The following CHD1L variants were observed in gnomAD, a reference collection of about 807,000 sequenced individuals.
CHD1L encodes the protein chromodomain helicase DNA binding protein 1 like.
CHD1L carries 118 observed loss-of-function variants against 115.9 expected under a neutral mutation model. That is an observed-to-expected ratio of 1.02 (90% CI 0.88 to 1.19). CHD1L has a LOEUF of 1.19. Ranked by LOEUF, CHD1L falls within the 50% of genes most tolerant of loss-of-function variation. CHD1L has a pLI of 0.00. For synonymous variants in CHD1L, 411 were observed against 387.1 expected (o/e 1.06, Z -0.72); for missense variants, 1,179 against 1,065.3 (o/e 1.11, Z -1.49).
chr1:147,287,195 A>C (rs1683507030), intron 18 of CHD1L, among the ~76,000 whole-genome samples: 1 of 152,236 alleles, frequency 6.6e-6, no homozygotes, highest in Non-Finnish European at 1.5e-5. Flanking sequence ...TGAATGAATG[A>C]CTATAAATGC....
At chr1:147,179,662 T>G in the CHD1L span, 1 of 1,216,704 alleles carries the variant, frequency 8.2e-7, no homozygotes, top group Non-Finnish European at 1.2e-6. Flanking sequence ...AAAAGGACTC[T>G]TCCACCAGAG....
At chr1:147,184,553 T>C in the CHD1L span, 2 of 1,549,130 alleles carry the variant, frequency 1.3e-6, no homozygotes, top group Non-Finnish European at 1.7e-6. The surrounding 1 kb of genome is among the most constrained non-coding windows in gnomAD (Gnocchi z 4.4). Context: ...GTTGATGATC[T>C]TGACAGTTTT....
the CHD1L span, chr1:147,201,339 A>G: frequency 4.3e-6 from 7 of 1,614,090 alleles, no homozygotes; most frequent in East Asian, 2.2e-5. Context: ...AGTCAAAGCT[A>G]TAGCCTGTGG....
At chr1:147,281,841 G>A (rs1277460556) in intron 15 of CHD1L, among the ~76,000 whole-genome samples, 2 of 151,842 alleles carry the variant, frequency 1.3e-5, no homozygotes, top group East Asian at 1.9e-4. Flanking sequence ...AGATAAAATT[G>A]TATTTATCAT....
the CHD1L span, chr1:147,178,176 C>G: frequency 4.3e-6 from 7 of 1,611,232 alleles, no homozygotes; most frequent in Admixed American, 3.3e-5. Flanking sequence ...CGGCCCGCCT[C>G]GCGGCTGCCT....
chr1:147,177,568 C>G, the CHD1L span, among the ~76,000 whole-genome samples: 1 of 152,168 alleles, frequency 6.6e-6, no homozygotes, highest in African/African-American at 2.4e-5. Flanking sequence ...GCTAACATCT[C>G]TAGTATGTCA....
the CHD1L span, chr1:147,208,932 T>G: frequency 3.1e-6 from 5 of 1,614,162 alleles, no homozygotes; most frequent in Non-Finnish European, 3.4e-6. Flanking sequence ...TTGCTAATGA[T>G]TGGCCACAGA....
intron 7 of CHD1L, among the ~76,000 whole-genome samples, chr1:147,264,920 G>A (rs1424845315): frequency 6.6e-6 from 1 of 152,168 alleles, no homozygotes; most frequent in African/African-American, 2.4e-5. Flanking sequence ...ACTTCCTGAG[G>A]GAGAAAAGAA....
intron 8 of CHD1L, among the ~76,000 whole-genome samples, chr1:147,266,472 T>C (rs1673955106): frequency 6.6e-6 from 1 of 152,198 alleles, no homozygotes; most frequent in South Asian, 2.1e-4. Flanking sequence ...AAATGAAGAT[T>C]CCAAAAATAA....
At chr1:147,208,370 G>A in the CHD1L span, 1 of 152,528 alleles carries the variant, frequency 6.6e-6, no homozygotes, top group African/African-American at 2.4e-5. Context: ...AATAGATCTT[G>A]GACATCTGTG....
the CHD1L span, chr1:147,208,842 G>C: frequency 6.2e-7 from 1 of 1,612,174 alleles, no homozygotes. Flanking sequence ...CTCCCATCCT[G>C]GGAACATACC....
chr1:147,226,950 A>T, the CHD1L span, among the ~76,000 whole-genome samples: 5 of 151,278 alleles, frequency 3.3e-5, no homozygotes, highest in African/African-American at 1.2e-4. Context: ...CTCCCACCTC[A>T]GCCTTCTGAG....
intron 15 of CHD1L, 117 bp downstream of exon 15, chr1:147,280,308 T>A (rs1680337129): frequency 9.5e-7 from 1 of 1,054,890 alleles, no homozygotes. Flanking sequence ...CTTACCCTAT[T>A]GTCATTTGGG....
At chr1:147,273,867 C>A (rs1173359123) in intron 12 of CHD1L, among the ~76,000 whole-genome samples, 1 of 152,122 alleles carries the variant, frequency 6.6e-6, no homozygotes, top group African/African-American at 2.4e-5. Flanking sequence ...AGGTTTCCTT[C>A]CAAATTTCAA....
chr1:147,236,766 G>A, the CHD1L span, among the ~76,000 whole-genome samples: 1 of 152,138 alleles, frequency 6.6e-6, no homozygotes, highest in African/African-American at 2.4e-5. Flanking sequence ...TTATCCCACT[G>A]TCTCAAGTCT....
the CHD1L span, among the ~76,000 whole-genome samples, chr1:147,214,040 A>T: frequency 6.6e-6 from 1 of 152,154 alleles, no homozygotes; most frequent in South Asian, 2.1e-4. Context: ...GTGAAACAGG[A>T]TAGTGTTATG....
chr1:147,221,031 C>T, the CHD1L span, among the ~76,000 whole-genome samples: 1 of 151,152 alleles, frequency 6.6e-6, no homozygotes, highest in Non-Finnish European at 1.5e-5. Flanking sequence ...AATATTCCTC[C>T]CCAAAAGTCA....
the CHD1L span, among the ~76,000 whole-genome samples, chr1:147,232,893 G>A: frequency 0.017 from 2,627 of 152,262 alleles, 79 homozygotes; most frequent in African/African-American, 0.06. Flanking sequence ...CCAAAGTGCC[G>A]AAAGTGCAGC....
At chr1:147,286,524 G>T (rs1394823310) in intron 18 of CHD1L, 24 bp downstream of exon 18, 3 of 1,609,202 alleles carry the variant, frequency 1.9e-6, no homozygotes, top group South Asian at 1.1e-5. Flanking sequence ...TATGGGCTGG[G>T]GATGGGGGCC....
Sources: gnomAD v4.1 joint callset for allele counts (sites outside exome capture counted in the v4.1 genomes callset) on GRCh38, gnomAD v4.1.1 for gene constraint, Gnocchi (gnomAD v3.1) non-coding constraint, MANE v1.5 for transcripts, NCBI Gene and HGNC (gene_info 2026-07-23, HGNC 2026-07-21) for gene names.